FHIT: variants seen among roughly 807,000 people sequenced by gnomAD.
FHIT encodes the protein fragile histidine triad diadenosine triphosphatase.
In FHIT, 19 loss-of-function variants were observed where a neutral mutation model predicts 17.9. The ratio of observed to expected loss-of-function variants is 1.06; its 90% CI spans 0.74 to 1.56. The LOEUF is 1.56. Among genes scored for constraint, FHIT ranks in the 40% most tolerant of loss-of-function variants. The pLI is 0.00. For missense variants in FHIT, 248 were observed against 189.2 expected (o/e 1.31, Z -1.82); for synonymous variants, 81 against 69.7 (o/e 1.16, Z -0.81).
intron 5 of FHIT, among the ~76,000 whole-genome samples, chr3:60,519,478 C>G (rs1233937405): frequency 6.6e-6 from 1 of 152,164 alleles, no homozygotes; most frequent in Non-Finnish European, 1.5e-5. Flanking sequence ...CTTCCCAAAA[C>G]TTAACTACTA....
chr3:59,973,394 C>T (rs1708272630), intron 7 of FHIT, among the ~76,000 whole-genome samples: 1 of 152,036 alleles, frequency 6.6e-6, no homozygotes, highest in South Asian at 2.1e-4. Context: ...CCTTGTGCTC[C>T]CACCACACCA....
intron 5 of FHIT, among the ~76,000 whole-genome samples, chr3:60,279,776 A>T (rs1029372878): frequency 1.3e-5 from 2 of 152,120 alleles, no homozygotes; most frequent in African/African-American, 4.8e-5. Context: ...CTCAACAAAC[A>T]TTCCTAGCAC....
intron 3 of FHIT, among the ~76,000 whole-genome samples, chr3:61,013,648 G>T (rs1044373986): frequency 1.3e-5 from 2 of 152,154 alleles, no homozygotes. Context: ...AAAAGAGGAG[G>T]TGATGAAATG....
intron 5 of FHIT, among the ~76,000 whole-genome samples, chr3:60,139,947 C>A (rs1201188752): frequency 6.6e-6 from 1 of 152,088 alleles, no homozygotes. Flanking sequence ...GATGGTGAAA[C>A]CCTGTCTCTA....
In FHIT at chr3:61,201,759, C is replaced by A. The variant is rs375189827; in HGVS notation, c.-212-1094G>T. Among the ~76,000 whole-genome samples the A allele has an allele frequency of 3.9e-5, 6 of 152,118 alleles. No individual in the cohort carries two copies. In the East Asian group the frequency reaches 9.7e-4, roughly 25 times the overall value. On this transcript the variant is annotated intron_variant, in intron 1 of 9. Coordinates refer to ENST00000492590, the MANE Select transcript of FHIT (RefSeq NM_002012.4). ...ATTTCTCCTTCCCCCTGAGCTACAC[C>A]GTTTACCAATGAGTTTAGAACAAGC...
intron 5 of FHIT, among the ~76,000 whole-genome samples, chr3:60,115,110 T>C (rs1229489658): frequency 2.6e-5 from 4 of 152,114 alleles, no homozygotes; most frequent in Admixed American, 2.6e-4. Flanking sequence ...AACTTTTATC[T>C]GGATTAAAAT....
intron 8 of FHIT, among the ~76,000 whole-genome samples, chr3:59,788,893 T>TTTTTTTTTTTTTTTTTC (rs1553677010): frequency 6.8e-6 from 1 of 147,440 alleles, no homozygotes; most frequent in Admixed American, 6.8e-5. Context: ...TTTTTTTTTT[T>TTTTTTTTTTTTTTTTTC]ACCCCATCTC....
chr3:60,770,534 T>A (rs1700009729), intron 4 of FHIT, among the ~76,000 whole-genome samples: 1 of 152,174 alleles, frequency 6.6e-6, no homozygotes. Context: ...AAACAGGCTA[T>A]GTGTGGACAT....
At chr3:60,590,826 C>G (rs1457435550) in intron 4 of FHIT, among the ~76,000 whole-genome samples, 1 of 152,042 alleles carries the variant, frequency 6.6e-6, no homozygotes, top group African/African-American at 2.4e-5. Context: ...GACTTAAACG[C>G]AAAGGGACAG....
At chr3:61,111,887 G>T (rs938809593) in intron 2 of FHIT, among the ~76,000 whole-genome samples, 59 of 152,206 alleles carry the variant, frequency 3.9e-4, no homozygotes, top group African/African-American at 1.4e-3. Flanking sequence ...GCAGAAGTCA[G>T]AAACTGAGTC....
chr3:59,839,901 C>A (rs950718403), intron 8 of FHIT, among the ~76,000 whole-genome samples: 1 of 152,190 alleles, frequency 6.6e-6, no homozygotes, highest in Non-Finnish European at 1.5e-5. Flanking sequence ...CTTGAAGTGA[C>A]AAGGTCCCTC....
At chr3:60,707,520 T>C (rs1716725) in intron 4 of FHIT, among the ~76,000 whole-genome samples, 22,824 of 152,118 alleles carry the variant, frequency 0.15, 1,928 homozygotes, top group Non-Finnish European at 0.19. Flanking sequence ...ATCACTTCCC[T>C]AGGCTCTAGA....
chr3:60,473,932 A>AAC (rs2107455568), intron 5 of FHIT, among the ~76,000 whole-genome samples: 1 of 152,258 alleles, frequency 6.6e-6, no homozygotes, highest in East Asian at 1.9e-4. Flanking sequence ...CCAAAAAAAA[A>AAC]AGAAAAAAAG....
intron 5 of FHIT, among the ~76,000 whole-genome samples, chr3:60,449,771 G>A (rs766424747): frequency 2.6e-5 from 4 of 152,012 alleles, no homozygotes; most frequent in Admixed American, 6.6e-5. Context: ...TTGGGAGGCC[G>A]AGGTGGGTGC....
intron 4 of FHIT, among the ~76,000 whole-genome samples, chr3:60,594,297 A>T (rs1419359389): frequency 6.6e-6 from 1 of 152,098 alleles, no homozygotes; most frequent in African/African-American, 2.4e-5. Context: ...AGCGAACACA[A>T]CCATTGTAAC....
In FHIT at chr3:60,988,946, T is replaced by TAAAAAAA. The variant is rs535898632; in HGVS notation, c.-111+53094_-111+53100dup. On this transcript the variant is annotated intron_variant, in intron 3 of 9. Coordinates refer to ENST00000492590, the MANE Select transcript of FHIT (RefSeq NM_002012.4). ...TTTTTTCAAATGGCCATGGCTTTGT[T>TAAAAAAA]AAAAAAAAAAAAAAAAAAAAAAAAA... Among the ~76,000 whole-genome samples the TAAAAAAA allele has an allele frequency of 4.1e-4, 14 of 34,334 alleles. 1 individual carries two copies. The highest frequency in any genetic ancestry group is 7.9e-4 in the East Asian group (1 of 1,258). The allele number at this position is 34,334 out of a possible 152,430, so 22.5% of individuals were successfully genotyped here.
At chr3:59,937,741 A>G (rs1192428140) in intron 7 of FHIT, among the ~76,000 whole-genome samples, 4 of 152,164 alleles carry the variant, frequency 2.6e-5, no homozygotes, top group Admixed American at 1.3e-4. Context: ...TCATCATTCA[A>G]TATTGCTATT....
intron 2 of FHIT, among the ~76,000 whole-genome samples, chr3:61,181,539 GC>G (rs1278177969): frequency 3.9e-5 from 6 of 152,104 alleles, no homozygotes; most frequent in Non-Finnish European, 8.8e-5. Flanking sequence ...ATGTCACCTG[GC>G]CTGTCATGTC....
Position 60,978,768 on chromosome 3 carries a change from A to T in FHIT, c.-111+63279T>A, listed in dbSNP as rs563166118. Among the ~76,000 whole-genome samples, 7 of 152,334 alleles carry T rather than the reference A, an allele frequency of 4.6e-5. No homozygotes were observed. In the South Asian group the frequency reaches 1.5e-3, roughly 32 times the overall value. On this transcript the variant is annotated intron_variant, in intron 3 of 9. Coordinates refer to ENST00000492590, the MANE Select transcript of FHIT (RefSeq NM_002012.4). Reference sequence around the variant, plus strand: ...TGAAATGAATGACTAAAGAGCCTAAAGCACAACCGTTCTATCTACAGGTAA... The same window carrying T: ...TGAAATGAATGACTAAAGAGCCTAATGCACAACCGTTCTATCTACAGGTAA...
Sources: gnomAD v4.1 joint callset for allele counts (sites outside exome capture counted in the v4.1 genomes callset) on GRCh38, gnomAD v4.1.1 for gene constraint, MANE v1.5 for transcripts, NCBI Gene and HGNC (gene_info 2026-07-23, HGNC 2026-07-21) for gene names.